The following MED17 variants were observed in gnomAD, a reference collection of about 807,000 sequenced individuals.
MED17 encodes the protein mediator of RNA polymerase II transcription subunit 17.
In MED17, 49 loss-of-function variants were observed where a neutral mutation model predicts 80.8. That is an observed-to-expected ratio of 0.61 (90% CI 0.48 to 0.77). MED17 has a LOEUF of 0.77. Ranked by LOEUF, MED17 falls within the 30% of genes least tolerant of loss-of-function variation. MED17 has a pLI of 0.00. For missense variants in MED17, 718 were observed against 787.0 expected (o/e 0.91, Z 1.05); for synonymous variants, 281 against 280.4 (o/e 1.00, Z -0.02).
intron 3 of MED17, 93 bp downstream of exon 3, chr11:93,790,886 C>T: frequency 9.1e-7 from 1 of 1,093,780 alleles, no homozygotes; most frequent in African/African-American, 1.6e-5. Flanking sequence ...GCAGTTGGAT[C>T]ACTTGAGGCC....
At chr11:93,805,593 A>C (rs1051471467) in intron 9 of MED17, among the ~76,000 whole-genome samples, 5 of 152,178 alleles carry the variant, frequency 3.3e-5, no homozygotes, top group Admixed American at 6.5e-5. Flanking sequence ...AAAAAAGATA[A>C]GGACATTTAA....
At chr11:93,810,194 AC>A (rs2135723305) in intron 11 of MED17, 1 of 339,706 alleles carries the variant, frequency 2.9e-6, no homozygotes, top group Non-Finnish European at 5.6e-6. Flanking sequence ...ACTGCTGTAA[AC>A]ATGGGAAGAA....
intron 3 of MED17, chr11:93,793,114 C>CTTTTTTTTTTTTTGTTTTTTT (rs1943856843): frequency 1.9e-5 from 1 of 52,154 alleles, no homozygotes; most frequent in African/African-American, 6.1e-5. Flanking sequence ...GAGTACACCT[C>CTTTTTTTTTTTTTGTTTTTTT]TTTTTTTTTT....
chr11:93,791,761 AAAAC>A (rs552432469), intron 3 of MED17, among the ~76,000 whole-genome samples: 411 of 152,286 alleles, frequency 2.7e-3, no homozygotes, highest in African/African-American at 8.8e-3. Context: ...TCTGAGAATT[AAAAC>A]AAACAAACAA....
chr11:93,788,904 C>T (rs992136109), intron 2 of MED17: 3 of 152,064 alleles, frequency 2.0e-5, no homozygotes, highest in South Asian at 2.1e-4. Context: ...TCCATCTAAT[C>T]CTTCCTTCCC....
chr11:93,794,211 T>G, intron 5 of MED17, 176 bp downstream of exon 5: 1 of 515,120 alleles, frequency 1.9e-6, no homozygotes. Flanking sequence ...TTTTTTTTTT[T>G]TTTTTTTTTT....
chr11:93,800,879 G>C (rs78660030), intron 8 of MED17: 1 of 151,982 alleles, frequency 6.6e-6, no homozygotes, highest in Non-Finnish European at 1.5e-5. Context: ...TCAAGCGATC[G>C]TCCCTCCTTG....
intron 6 of MED17, chr11:93,796,008 C>T (rs905122468): frequency 2.8e-5 from 6 of 215,448 alleles, no homozygotes; most frequent in Admixed American, 2.7e-4. Flanking sequence ...AGTGCAATGG[C>T]GTGATCTTGG....
chr11:93,790,423 G>A (rs1360948640), intron 2 of MED17, 151 bp from the exon 3 acceptor site: 2 of 713,978 alleles, frequency 2.8e-6, no homozygotes, highest in East Asian at 2.6e-5. Flanking sequence ...AAAGAAATAG[G>A]TTAAGGTTAT....
At position 93,813,275 on chromosome 11, in the gene MED17, G is replaced by T. The variant is rs138176450; in HGVS notation, c.*1211G>T. On this transcript the variant is annotated 3_prime_UTR_variant, in exon 12 of 12. Coordinates refer to ENST00000251871, the MANE Select transcript of MED17 (RefSeq NM_004268.5). ...GTAAGATGACTGTGCAGTAATAAAA[G>T]TCCTTTGTATTTCTCCACCGTGTTT... The T allele has an allele frequency of 6.6e-5, 10 of 152,254 alleles. 1 individual carries two copies. The highest frequency in any genetic ancestry group is 7.2e-5 in the African/African-American group (3 of 41,564). The allele number at this position is 152,254 out of a possible 1,614,324, so 9.4% of individuals were successfully genotyped here.
At chr11:93,793,619 C>T (rs1007790191) in intron 3 of MED17, 109 bp from the exon 4 acceptor site, 2 of 831,854 alleles carry the variant, frequency 2.4e-6, no homozygotes, top group East Asian at 5.1e-5. Context: ...TTAGTGGGGA[C>T]TTACTTTGTG....
rs1479135081 is a variant in MED17, at chr11:93,796,124, T to G, written c.1013-286T>G. The G allele has an allele frequency of 2.2e-5, 8 of 361,492 alleles. No individual in the cohort carries two copies. The Admixed American group carries it at 2.4e-4, about 11-fold the overall frequency. The allele number at this position is 361,492 out of a possible 1,614,324, so 22.4% of individuals were successfully genotyped here. ...GCCACCATGCCCAGCTAATTTTTTTTGTGTTTTTAGTAGAGATGGGGTTTC... is the reference window on the plus strand; with the variant it reads ...GCCACCATGCCCAGCTAATTTTTTTGGTGTTTTTAGTAGAGATGGGGTTTC... On this transcript the variant is annotated intron_variant, in intron 6 of 11. Coordinates refer to ENST00000251871, the MANE Select transcript of MED17 (RefSeq NM_004268.5).
intron 3 of MED17, among the ~76,000 whole-genome samples, chr11:93,791,640 T>A (rs7112720): frequency 0.051 from 7,696 of 151,936 alleles, 636 homozygotes; most frequent in African/African-American, 0.17. Context: ...CAGGAGGTCC[T>A]GGCTGCAGTG....
intron 1 of MED17, among the ~76,000 whole-genome samples, chr11:93,785,090 G>A (rs1299619513): frequency 6.6e-6 from 1 of 152,268 alleles, no homozygotes; most frequent in Non-Finnish European, 1.5e-5. Flanking sequence ...TCGGGGCTCT[G>A]CCCCTTGCCG....
At chr11:93,788,359 C>T in intron 2 of MED17, 192 bp downstream of exon 2, 1 of 531,568 alleles carries the variant, frequency 1.9e-6, no homozygotes, top group South Asian at 2.2e-5. Context: ...ACCTATGATC[C>T]TTGGAAGAGT....
chr11:93,806,744 A>G (rs1238890338), intron 9 of MED17: 1 of 152,196 alleles, frequency 6.6e-6, no homozygotes, highest in Non-Finnish European at 1.5e-5. Flanking sequence ...ATGATCTCAA[A>G]TTGGTAAAAT....
At chr11:93,801,714 A>G in intron 8 of MED17, 121 bp from the exon 9 acceptor site, 1 of 896,446 alleles carries the variant, frequency 1.1e-6, no homozygotes, top group Non-Finnish European at 1.8e-6. Flanking sequence ...GTCTGCCTAC[A>G]CATAGTGGTA....
Position 93,790,579 on chromosome 11 carries a change from T to A in MED17, c.423T>A (p.Pro141=). Residue 141 remains proline, a synonymous_variant, in exon 3 of 12, where the codon CCT becomes CCA. Transcript: ENST00000251871. ...GTTTGGGTTGTTTTTGACAGAATCC[T>A]CAGACGTTGCAATTGATATCTAAAA... The part of the protein sequence containing the change: ...SQDALPPKQN[P]QTLQLISKKK... 1.2e-6 allele frequency: 2 copies of A among 1,613,958 alleles called. No individual in the cohort carries two copies. Among genetic ancestry groups the A allele is most frequent in the Non-Finnish European group, 1.7e-6 (2 of 1,179,864 alleles).
chr11:93,786,535 C>G (rs1029182640), intron 1 of MED17, among the ~76,000 whole-genome samples: 1 of 151,414 alleles, frequency 6.6e-6, no homozygotes, highest in Non-Finnish European at 1.5e-5. Context: ...GGTGCAATCT[C>G]GGCTCACTGC....
Sources: allele counts gnomAD v4.1 joint callset (sites outside exome capture counted in the v4.1 genomes callset), GRCh38; gene constraint gnomAD v4.1.1; transcripts MANE v1.5; gene names NCBI Gene and HGNC (gene_info 2026-07-23, HGNC 2026-07-21).